The following NPM2 variants were observed in gnomAD, a reference collection of about 807,000 sequenced individuals.
The protein encoded by NPM2 is nucleoplasmin-2.
In NPM2, 25 loss-of-function variants were observed where a neutral mutation model predicts 32.0. The ratio of observed to expected loss-of-function variants is 0.78; its 90% CI spans 0.57 to 1.09. The LOEUF (loss-of-function observed/expected upper bound fraction) is 1.09. Among genes scored for constraint, NPM2 ranks in the 50% least tolerant of loss-of-function variants. The probability of loss-of-function intolerance (pLI) is 0.00; values close to 1 mark genes in which losing one functional copy is unlikely to be tolerated. For missense variants in NPM2, 282 were observed against 259.9 expected (o/e 1.08, Z -0.58); for synonymous variants, 111 against 94.2 (o/e 1.18, Z -1.04).
intron 5 of NPM2, among the ~76,000 whole-genome samples, chr8:22,032,800 C>G (rs1293647301): frequency 3.3e-5 from 5 of 152,080 alleles, no homozygotes; most frequent in African/African-American, 1.2e-4. Flanking sequence ...AACCTAATGA[C>G]CTCCCAAGGC....
chr8:22,031,580 G>T (rs1800442209), intron 5 of NPM2, among the ~76,000 whole-genome samples: 1 of 152,162 alleles, frequency 6.6e-6, no homozygotes, highest in African/African-American at 2.4e-5. Flanking sequence ...TGAGTAGCTG[G>T]GATTACAGGT....
chr8:22,030,095 T>C (rs796157089), intron 5 of NPM2, among the ~76,000 whole-genome samples: 14 of 152,334 alleles, frequency 9.2e-5, no homozygotes, highest in African/African-American at 3.4e-4. Flanking sequence ...GCCTTCTCAC[T>C]CTGTCCCCCG....
At chr8:22,035,474 A>G (rs982852965) in intron 8 of NPM2, among the ~76,000 whole-genome samples, 2 of 151,968 alleles carry the variant, frequency 1.3e-5, no homozygotes, top group Non-Finnish European at 2.9e-5. Context: ...GGGTCTTTCT[A>G]TGTTGCCCAG....
rs746549463 is a variant in NPM2, at chr8:22,025,666, C to A, written c.164C>A (p.Ala55Asp). 6.2e-7 allele frequency: 1 copy of A among 1,614,014 alleles called. No individual in the cohort carries two copies. The highest frequency in any genetic ancestry group is 8.5e-7 in the Non-Finnish European group (1 of 1,180,032). ...GCTCAGATTTGCTTGGGGGAGAAAGCCAAAGAGGAGATGCATCGCGTGGAG... is the reference window on the plus strand; with the variant it reads ...GCTCAGATTTGCTTGGGGGAGAAAGACAAAGAGGAGATGCATCGCGTGGAG... ...LLHTICLGEK[A>D]KEEMHRVEIL... is the part of the protein sequence containing the mutation. The change falls in exon 5 of 10, where the codon GCC becomes GAC. Residue 55 changes from alanine to aspartate, a missense_variant. Physicochemically the swap from Ala to Asp is moderately radical, Grantham distance 126. Transcript: ENST00000518119.
At chr8:22,027,854 G>T (rs780556017) in intron 5 of NPM2, among the ~76,000 whole-genome samples, 1 of 152,144 alleles carries the variant, frequency 6.6e-6, no homozygotes, top group African/African-American at 2.4e-5. Flanking sequence ...TGATATACCC[G>T]CCTTGGCCTC....
intron 9 of NPM2, 26 bp from the exon 10 acceptor site, chr8:22,036,612 C>T: frequency 6.4e-7 from 1 of 1,552,756 alleles, no homozygotes; most frequent in African/African-American, 1.4e-5. Context: ...GGAACGGGAC[C>T]CTGGAGCCCT....
chr8:22,036,862 C>T lies in NPM2; in HGVS notation c.*180C>T, dbSNP rs759591652. The T allele has an allele frequency of 5.7e-5, 35 of 610,184 alleles. No homozygotes were observed. The highest frequency in any genetic ancestry group is 9.4e-5 in the Non-Finnish European group (34 of 362,020). The allele number at this position is 610,184 out of a possible 1,614,324, so 37.8% of individuals were successfully genotyped here. On this transcript the variant is annotated 3_prime_UTR_variant, in exon 10 of 10. Coordinates refer to ENST00000518119, the MANE Select transcript of NPM2 (RefSeq NM_001286680.2). The stretch of plus-strand genomic sequence containing the variant: ...TTCAGGAGGCCCCCAGTGAAGAGCC[C>T]CACCTCGGGGTCACAATAAAGTTGC...
chr8:22,034,648 G>A (rs1270606802), intron 8 of NPM2, 104 bp downstream of exon 8: 17 of 960,684 alleles, frequency 1.8e-5, no homozygotes, highest in Admixed American at 8.5e-5. Flanking sequence ...ATGTACACAC[G>A]GTGTGTCTAC....
Position 22,034,189 on chromosome 8 carries a change from G to A in NPM2, c.445G>A (p.Glu149Lys). 1 of 1,613,138 alleles carries A rather than the reference G, an allele frequency of 6.2e-7. No individual in the cohort carries two copies. ...EEEEEEDDED[E>K]DADISLEEQS... ...AGAGGAAGAGGAAGATGATGAGGAT[G>A]AGGATGCAGATATATCTCTGGAGGA... The change falls in exon 7 of 10, where the codon GAG becomes AAG. Residue 149 changes from glutamate to lysine, a missense_variant. Physicochemically the swap from Glu to Lys is moderately conservative, Grantham distance 56. Coordinates refer to ENST00000518119, the MANE Select transcript of NPM2 (RefSeq NM_001286680.2).
chr8:22,027,214 G>A (rs1293589665), intron 5 of NPM2, among the ~76,000 whole-genome samples: 1 of 152,156 alleles, frequency 6.6e-6, no homozygotes, highest in Non-Finnish European at 1.5e-5. Context: ...CATGCACTGA[G>A]GGTGGAGGGT....
rs1382505994 is a variant in NPM2 at position 22,036,490 on chromosome 8, C to T, written c.567-3C>T. 6.2e-7 allele frequency: 1 copy of T among 1,605,062 alleles called. No homozygotes were observed. Among genetic ancestry groups the T allele is most frequent in the East Asian group, 2.3e-5 (1 of 44,298 alleles). ...ACTCCTGCTCCGCTCCACCCTGTTG[C>T]AGAGCCAGCGTTAGAGACAAGAGCC... On this transcript the variant is annotated splice_region_variant and splice_polypyrimidine_tract_variant and intron_variant, in intron 8 of 9. Coordinates refer to ENST00000518119, the MANE Select transcript of NPM2 (RefSeq NM_001286680.2).
Position 22,036,623 on chromosome 8 carries a change from G to A in NPM2, c.601-15G>A, listed in dbSNP as rs1202564660. On this transcript the variant is annotated splice_polypyrimidine_tract_variant and intron_variant, in intron 9 of 9. Coordinates refer to ENST00000518119, the MANE Select transcript of NPM2 (RefSeq NM_001286680.2). ...GAAGGGAACGGGACCCTGGAGCCCT[G>A]CCTTCCCTCCACAGGCCAAAGCCAC... The A allele has an allele frequency of 2.6e-6, 4 of 1,551,908 alleles. No individual in the cohort carries two copies. Among genetic ancestry groups the A allele is most frequent in the Admixed American group, 2.0e-5 (1 of 50,890 alleles).
rs901503088 is a variant in NPM2 at position 22,024,971 on chromosome 8, G to A, written c.-34+141G>A. ...CCGCGGCCTTTCAAGCCTGAGCTCG[G>A]TGGACAGCTCCCTCTCCCGTGAGTC... On this transcript the variant is annotated intron_variant, in intron 2 of 9. Transcript: ENST00000518119. 1.9e-5 allele frequency: 9 copies of A among 469,034 alleles called. No homozygotes were observed. The South Asian group carries it at 2.4e-4, about 12-fold the overall frequency. 29.1% of individuals were successfully genotyped at this position (469,034 alleles called of 1,614,324 possible).
At chr8:22,027,269 T>G (rs1385344678) in intron 5 of NPM2, among the ~76,000 whole-genome samples, 1 of 152,230 alleles carries the variant, frequency 6.6e-6, no homozygotes, top group Non-Finnish European at 1.5e-5. Flanking sequence ...TAGGATCAGC[T>G]GTCCTTGGAG....
At chr8:22,027,792 A>T (rs1018553356) in intron 5 of NPM2, among the ~76,000 whole-genome samples, 3 of 152,158 alleles carry the variant, frequency 2.0e-5, no homozygotes, top group African/African-American at 7.2e-5. Context: ...ATTTTAGTAG[A>T]GATGGGTTTT....
At chr8:22,024,997 C>G in intron 2 of NPM2, 167 bp downstream of exon 2, 1 of 518,608 alleles carries the variant, frequency 1.9e-6, no homozygotes. Context: ...CCCGTGAGTC[C>G]CGCTGTCCTG....
chr8:22,032,717 A>T (rs1373187520), intron 5 of NPM2, among the ~76,000 whole-genome samples: 1 of 152,078 alleles, frequency 6.6e-6, no homozygotes, highest in Admixed American at 6.6e-5. Flanking sequence ...GGAGAGAAAG[A>T]GAGTGAGTTC....
At position 22,033,114 on chromosome 8, in the gene NPM2, C is replaced by T. The variant is rs760688038; in HGVS notation, c.271-16C>T. The T allele has an allele frequency of 1.7e-5, 27 of 1,605,898 alleles. No individual in the cohort carries two copies. In the South Asian group the frequency reaches 2.7e-4, roughly 16 times the overall value. The stretch of plus-strand genomic sequence containing the variant: ...GGCCTAAGTGGCCCTGTCTTCTCTG[C>T]TTCCTCCCCCTGCAGGTCTCCATGG... On this transcript the variant is annotated splice_polypyrimidine_tract_variant and intron_variant, in intron 5 of 9. Transcript: ENST00000518119.
At chr8:22,034,082 C>T (rs377151015) in intron 6 of NPM2, 27 bp from the exon 7 acceptor site, 2 of 1,563,494 alleles carry the variant, frequency 1.3e-6, no homozygotes, top group Admixed American at 1.8e-5. Context: ...AAGCTGTGCC[C>T]CTGCATCCTT....
Sources: gnomAD v4.1 joint callset for allele counts (sites outside exome capture counted in the v4.1 genomes callset) on GRCh38, gnomAD v4.1.1 for gene constraint, MANE v1.5 for transcripts, NCBI Gene and HGNC (gene_info 2026-07-23, HGNC 2026-07-21) for gene names.